Variants in SNTG1 observed in about 807,000 individuals in gnomAD.
The protein encoded by SNTG1 is gamma-1-syntrophin.
Under a neutral mutation model 74.7 loss-of-function variants are expected in SNTG1, and 39 were observed. The observed-to-expected ratio is 0.52, with a 90% CI of 0.40 to 0.68. The LOEUF is 0.68. Among genes scored for constraint, SNTG1 ranks in the 30% least tolerant of loss-of-function variants. The pLI is 0.00. For missense variants in SNTG1, 685 were observed against 609.5 expected (o/e 1.12, Z -1.30); for synonymous variants, 254 against 217.1 (o/e 1.17, Z -1.49).
intron 1 of SNTG1, among the ~76,000 whole-genome samples, chr8:49,916,477 T>C (rs1806047268): frequency 6.6e-6 from 1 of 152,192 alleles, no homozygotes; most frequent in Non-Finnish European, 1.5e-5. Flanking sequence ...TTTGAATACT[T>C]GCTTATTATC....
intron 2 of SNTG1, among the ~76,000 whole-genome samples, chr8:50,357,412 C>T (rs1348128256): frequency 6.6e-6 from 1 of 152,192 alleles, no homozygotes; most frequent in African/African-American, 2.4e-5. Flanking sequence ...TTTTATTATG[C>T]CACTGAGGTG....
At chr8:50,087,513 C>T (rs1029305551) in intron 1 of SNTG1, among the ~76,000 whole-genome samples, 15 of 152,256 alleles carry the variant, frequency 9.9e-5, no homozygotes, top group South Asian at 6.2e-4. Flanking sequence ...CCTCTTCCTA[C>T]ATTTCTCTTT....
Position 49,930,973 on chromosome 8 carries a change from G to T in SNTG1, c.-103+18742G>T, listed in dbSNP as rs113772498. Among the ~76,000 whole-genome samples, 136 of 152,176 alleles carry T rather than the reference G, an allele frequency of 8.9e-4. 1 individual carries two copies. The highest frequency in any genetic ancestry group is 3.2e-3 in the African/African-American group (132 of 41,522). ...TTAATGTCACACAACAATTAAGAAT[G>T]ATCAAAAAGTAAGCCTACCTAAAGC... On this transcript the variant is annotated intron_variant, in intron 1 of 18. Transcript: ENST00000642720.
chr8:50,035,127 C>A (rs1215603655), intron 1 of SNTG1, among the ~76,000 whole-genome samples: 1 of 152,136 alleles, frequency 6.6e-6, no homozygotes, highest in Non-Finnish European at 1.5e-5. Flanking sequence ...ATGCAGTGCA[C>A]CAAACTTCTT....
At chr8:50,332,811 G>A (rs2091013486) in intron 2 of SNTG1, among the ~76,000 whole-genome samples, 1 of 152,134 alleles carries the variant, frequency 6.6e-6, no homozygotes, top group Admixed American at 6.5e-5. Context: ...TGAAGACCTG[G>A]CACTAAATGA....
At chr8:49,962,308 G>C (rs1290849631) in intron 1 of SNTG1, among the ~76,000 whole-genome samples, 1 of 151,446 alleles carries the variant, frequency 6.6e-6, no homozygotes, top group Non-Finnish European at 1.5e-5. Context: ...GTTCTTTTTT[G>C]GGGGGCGGGT....
chr8:50,498,409 G>A (rs540347158), intron 8 of SNTG1, among the ~76,000 whole-genome samples: 2 of 151,920 alleles, frequency 1.3e-5, no homozygotes, highest in East Asian at 3.9e-4. Context: ...ATAAGTTCAA[G>A]GATATACCTG....
At chr8:50,089,659 C>T (rs1168342235) in intron 1 of SNTG1, among the ~76,000 whole-genome samples, 3 of 152,184 alleles carry the variant, frequency 2.0e-5, no homozygotes, top group African/African-American at 4.8e-5. Flanking sequence ...TGAAAAGATG[C>T]TCATCATCAC....
rs532310288 is a variant in SNTG1, at chr8:50,687,106, C to T, written c.1039-17494C>T. Reference sequence around the variant, plus strand: ...GCCGAGATTGCGCCACTGCAGTCCGCAGTCCGGCCTGGGCGACAGAGCGAG... The same window carrying T: ...GCCGAGATTGCGCCACTGCAGTCCGTAGTCCGGCCTGGGCGACAGAGCGAG... On this transcript the variant is annotated intron_variant, in intron 15 of 18. Coordinates refer to ENST00000642720, the MANE Select transcript of SNTG1 (RefSeq NM_018967.5). Among the ~76,000 whole-genome samples the T allele has an allele frequency of 4.2e-4, 61 of 146,782 alleles. 1 individual carries two copies. Among genetic ancestry groups the T allele is most frequent in the Non-Finnish European group, 7.4e-4 (50 of 67,148 alleles).
intron 18 of SNTG1, among the ~76,000 whole-genome samples, chr8:50,759,976 G>A (rs1297571123): frequency 1.3e-5 from 2 of 152,212 alleles, no homozygotes; most frequent in South Asian, 4.1e-4. Flanking sequence ...CTATCCATGA[G>A]CATGGAATGT....
chr8:50,350,911 A>G (rs2091639738), intron 2 of SNTG1, among the ~76,000 whole-genome samples: 1 of 152,196 alleles, frequency 6.6e-6, no homozygotes, highest in African/African-American at 2.4e-5. Flanking sequence ...CAGGCCGCCC[A>G]AACCAGCAGT....
chr8:50,055,303 TG>T (rs1482823847), intron 1 of SNTG1, among the ~76,000 whole-genome samples: 1 of 152,154 alleles, frequency 6.6e-6, no homozygotes, highest in Non-Finnish European at 1.5e-5. Context: ...CTGTATACAT[TG>T]CTACCTCTGG....
intron 18 of SNTG1, among the ~76,000 whole-genome samples, chr8:50,759,497 G>T (rs1238358605): frequency 6.6e-6 from 1 of 151,968 alleles, no homozygotes; most frequent in Non-Finnish European, 1.5e-5. Context: ...AAAGTGTAAA[G>T]AAGGGGTCCA....
chr8:50,326,091 T>C (rs2090736181), intron 2 of SNTG1, among the ~76,000 whole-genome samples: 1 of 152,078 alleles, frequency 6.6e-6, no homozygotes, highest in Non-Finnish European at 1.5e-5. Flanking sequence ...GTGGCTGTAG[T>C]GTATAGTTGT....
chr8:49,996,703 A>G (rs1442553022), intron 1 of SNTG1, among the ~76,000 whole-genome samples: 1 of 152,102 alleles, frequency 6.6e-6, no homozygotes, highest in East Asian at 1.9e-4. Context: ...ACTTTTCACT[A>G]CTTTGTCCCA....
At chr8:50,726,725 T>C (rs1181647700) in intron 17 of SNTG1, among the ~76,000 whole-genome samples, 2 of 152,152 alleles carry the variant, frequency 1.3e-5, no homozygotes, top group African/African-American at 4.8e-5. Context: ...GGCGGACGCC[T>C]GTAGTCCCAG....
intron 9 of SNTG1, among the ~76,000 whole-genome samples, chr8:50,510,727 T>C (rs1585518442): frequency 6.6e-6 from 1 of 152,224 alleles, no homozygotes; most frequent in Non-Finnish European, 1.5e-5. Flanking sequence ...TATTCTCTGA[T>C]GGTAGTTTGT....
chr8:50,175,560 C>A (rs964177539), intron 2 of SNTG1, among the ~76,000 whole-genome samples: 1 of 152,172 alleles, frequency 6.6e-6, no homozygotes, highest in African/African-American at 2.4e-5. Flanking sequence ...GTCATTTATT[C>A]CCTTCTTAGA....
chr8:50,108,867 C>T (rs2080478846), intron 1 of SNTG1, among the ~76,000 whole-genome samples: 1 of 152,056 alleles, frequency 6.6e-6, no homozygotes, highest in African/African-American at 2.4e-5. Context: ...CTGAAGGAAA[C>T]TTTGAAGAGG....
Sources: gnomAD v4.1 joint callset for allele counts (sites outside exome capture counted in the v4.1 genomes callset) on GRCh38, gnomAD v4.1.1 for gene constraint, MANE v1.5 for transcripts, NCBI Gene and HGNC (gene_info 2026-07-23, HGNC 2026-07-21) for gene names.